Variants in SHLD1 observed in about 807,000 individuals in gnomAD.
SHLD1 encodes RINN1-REV7-interacting novel NHEJ regulator 3.
In SHLD1, 3 loss-of-function variants were observed where a neutral mutation model predicts 5.5. That is an observed-to-expected ratio of 0.54 (90% CI 0.25 to 1.40). The LOEUF (loss-of-function observed/expected upper bound fraction) is 1.40. SHLD1 is among the 40% of genes most tolerant of loss of function. The pLI is 0.15. For synonymous variants in SHLD1, 92 were observed against 94.3 expected, an observed-to-expected ratio of 0.98 and a Z score of 0.14; for missense variants, 210 against 244.4, an observed-to-expected ratio of 0.86 and a Z score of 0.94.
In SHLD1 at chr20:5,809,687, G is replaced by A. The variant is rs908790128; in HGVS notation, c.178+36644G>A. ...GTTCTCAACCAGTGGCCGTTGCCCC[G>A]TGCTGCCACCACCAGGGGACATTTG... On this transcript the variant is annotated intron_variant, in intron 2 of 2. Coordinates refer to ENST00000303142, the MANE Select transcript of SHLD1 (RefSeq NM_152504.4). Among the ~76,000 whole-genome samples the A allele has an allele frequency of 2.4e-4, 37 of 152,118 alleles. 1 individual carries two copies. The highest frequency in any genetic ancestry group is 6.8e-4 in the African/African-American group (28 of 41,438).
intron 1 of SHLD1, among the ~76,000 whole-genome samples, chr20:5,766,915 T>TC (rs36057240): frequency 0.024 from 3,418 of 144,020 alleles, 36 homozygotes; most frequent in Non-Finnish European, 0.03. Flanking sequence ...TGAAATTACT[T>TC]CTTTCATGCA....
rs148244948 is a variant in SHLD1, at chr20:5,793,916, G to T, written c.178+20873G>T. Reference sequence around the variant, plus strand: ...GTAGAGACAGGGTTTCACCATGTTGGCCAGGCTGGTCTTGAACTCCTGACT... The same window carrying T: ...GTAGAGACAGGGTTTCACCATGTTGTCCAGGCTGGTCTTGAACTCCTGACT... On this transcript the variant is annotated intron_variant, in intron 2 of 2. Coordinates refer to ENST00000303142, the MANE Select transcript of SHLD1 (RefSeq NM_152504.4). Among the ~76,000 whole-genome samples, 1,250 of 152,026 alleles carry T rather than the reference G, an allele frequency of 8.2e-3. 21 individuals are homozygous for T. The highest frequency in any genetic ancestry group is 0.029 in the African/African-American group (1,193 of 41,478).
intron 1 of SHLD1, among the ~76,000 whole-genome samples, chr20:5,767,337 T>C (rs1305554422): frequency 6.6e-6 from 1 of 151,966 alleles, no homozygotes; most frequent in East Asian, 1.9e-4. Context: ...TACAAGGTCT[T>C]GCTATGTTGC....
chr20:5,858,381 G>A (rs1375329514), intron 2 of SHLD1, among the ~76,000 whole-genome samples: 2 of 152,156 alleles, frequency 1.3e-5, no homozygotes, highest in African/African-American at 2.4e-5. Flanking sequence ...TTCTCTGGAA[G>A]AATCCCTCAT....
intron 2 of SHLD1, among the ~76,000 whole-genome samples, chr20:5,800,968 C>G (rs139956782): frequency 4.5e-4 from 68 of 152,074 alleles, no homozygotes; most frequent in Non-Finnish European, 7.8e-4. Flanking sequence ...GCTGTGGTAA[C>G]AACTCCCAAA....
At chr20:5,795,103 G>A (rs1434091317) in intron 2 of SHLD1, among the ~76,000 whole-genome samples, 1 of 151,742 alleles carries the variant, frequency 6.6e-6, no homozygotes, top group African/African-American at 2.4e-5. Flanking sequence ...GCCAGGCGTG[G>A]TGGCACACAC....
intron 2 of SHLD1, among the ~76,000 whole-genome samples, chr20:5,807,906 A>G (rs2087402659): frequency 6.6e-6 from 1 of 152,196 alleles, no homozygotes; most frequent in Admixed American, 6.5e-5. Context: ...TGATAAGGTT[A>G]GCCTATTTTT....
intron 2 of SHLD1, among the ~76,000 whole-genome samples, chr20:5,794,297 T>C (rs760922061): frequency 6.6e-6 from 1 of 152,196 alleles, no homozygotes. Flanking sequence ...CTAGCTGTCA[T>C]TACCACCACT....
At chr20:5,851,551 A>G (rs1218818340) in intron 2 of SHLD1, among the ~76,000 whole-genome samples, 3 of 151,938 alleles carry the variant, frequency 2.0e-5, no homozygotes, top group Non-Finnish European at 4.4e-5. Context: ...TAAAAATATT[A>G]TGTGAGTAAC....
Position 5,855,375 on chromosome 20 carries a change from T to C in SHLD1, c.179-7649T>C, listed in dbSNP as rs1407494651. ...GCACATACTAACACATTTTGTTTTA[T>C]TTTGTTTTATTTTTGAGACAGAGTC... is the stretch of plus-strand genomic sequence containing the variant. On this transcript the variant is annotated intron_variant, in intron 2 of 2. Transcript: ENST00000303142. The surrounding 1 kb of genome is among the most constrained non-coding windows in gnomAD (Gnocchi z 4.4). Among the ~76,000 whole-genome samples the C allele has an allele frequency of 1.3e-5, 2 of 152,130 alleles. No homozygotes were observed. Among genetic ancestry groups the C allele is most frequent in the Non-Finnish European group, 2.9e-5 (2 of 68,012 alleles).
rs573032198 is a variant in SHLD1, at chr20:5,769,831, C to A, written c.-4-3031C>A. 7.9e-5 allele frequency among the ~76,000 whole-genome samples: 12 copies of A among 152,096 alleles called. No homozygotes were observed. In the East Asian group the frequency reaches 2.3e-3, roughly 29 times the overall value. Reference sequence around the variant, plus strand: ...CCAGCCTGGCCAACATGGCAAAACTCCGTCTCTACTAAAAATACAAAAATT... The same window carrying A: ...CCAGCCTGGCCAACATGGCAAAACTACGTCTCTACTAAAAATACAAAAATT... On this transcript the variant is annotated intron_variant, in intron 1 of 2. Coordinates refer to ENST00000303142, the MANE Select transcript of SHLD1 (RefSeq NM_152504.4).
chr20:5,817,465 T>C (rs2087550541), intron 2 of SHLD1, among the ~76,000 whole-genome samples: 1 of 150,046 alleles, frequency 6.7e-6, no homozygotes, highest in African/African-American at 2.5e-5. Flanking sequence ...TGTGTGTGTG[T>C]GTGTGTGTTG....
intron 2 of SHLD1, among the ~76,000 whole-genome samples, chr20:5,797,408 C>T (rs1371699805): frequency 6.6e-6 from 1 of 151,882 alleles, no homozygotes; most frequent in Non-Finnish European, 1.5e-5. Flanking sequence ...AAAATATAAA[C>T]AAAATAAGCT....
chr20:5,778,614 A>T (rs907358385), intron 2 of SHLD1, among the ~76,000 whole-genome samples: 21 of 151,928 alleles, frequency 1.4e-4, no homozygotes, highest in African/African-American at 4.8e-4. Flanking sequence ...CAAAAAAAAA[A>T]AAAAAAATAA....
chr20:5,841,920 G>A (rs182921861), intron 2 of SHLD1, among the ~76,000 whole-genome samples: 100 of 152,320 alleles, frequency 6.6e-4, no homozygotes, highest in Non-Finnish European at 1.1e-3. Context: ...GAGTTAGGAA[G>A]ATAAAGTTAC....
At chr20:5,802,584 T>C (rs1229981576) in intron 2 of SHLD1, among the ~76,000 whole-genome samples, 2 of 152,160 alleles carry the variant, frequency 1.3e-5, no homozygotes, top group Non-Finnish European at 2.9e-5. Context: ...TCACCACCTC[T>C]CCTCCAAGCT....
At chr20:5,765,205 A>G (rs1447758747) in intron 1 of SHLD1, 2 of 148,332 alleles carry the variant, frequency 1.3e-5, no homozygotes, top group East Asian at 2.0e-4. Flanking sequence ...CTGTGCGCAG[A>G]AAAAAAAAAG....
At chr20:5,822,991 TCCCCCACCCCG>T (rs1238260592) in intron 2 of SHLD1, among the ~76,000 whole-genome samples, 1 of 115,060 alleles carries the variant, frequency 8.7e-6, no homozygotes, top group Non-Finnish European at 1.8e-5. Flanking sequence ...TTGCCTTCCC[TCCCCCACCCCG>T]CCCCCACCCC....
intron 1 of SHLD1, among the ~76,000 whole-genome samples, chr20:5,760,117 G>C (rs1212929984): frequency 2.0e-5 from 3 of 152,036 alleles, no homozygotes; most frequent in Non-Finnish European, 4.4e-5. Context: ...TGTTGAAAAT[G>C]GGGGAGATTT....
Sources: gnomAD v4.1 joint callset for allele counts (sites outside exome capture counted in the v4.1 genomes callset) on GRCh38, gnomAD v4.1.1 for gene constraint, Gnocchi (gnomAD v3.1) non-coding constraint, MANE v1.5 for transcripts, NCBI Gene and HGNC (gene_info 2026-07-23, HGNC 2026-07-21) for gene names.